Variants in IKBIP observed in about 807,000 individuals in gnomAD.
IKBIP encodes the protein inhibitor of nuclear factor kappa-B kinase-interacting protein.
IKBIP carries 28 observed loss-of-function variants against 31.0 expected under a neutral mutation model. The ratio of observed to expected loss-of-function variants is 0.90; its 90% CI spans 0.67 to 1.24. The LOEUF is 1.24. Among genes scored for constraint, IKBIP ranks in the 50% most tolerant of loss-of-function variants. IKBIP has a pLI of 0.00. For missense variants in IKBIP, 453 were observed against 441.9 expected (o/e 1.03, Z -0.23); for synonymous variants, 164 against 160.3 (o/e 1.02, Z -0.17).
chr12:98,624,718 G>T lies in IKBIP; in HGVS notation c.*1212C>A. On this transcript the variant is annotated 3_prime_UTR_variant, in exon 3 of 3. Coordinates refer to ENST00000299157, the MANE Select transcript of IKBIP (RefSeq NM_153687.4). ...TGGTTTGGGAAATCTTTAAAATGAC[G>T]TATTTTTAACTATCATAGTTATTAT... is the stretch of plus-strand genomic sequence containing the variant. 1 of 894,972 alleles carries T rather than the reference G, an allele frequency of 1.1e-6. No individual in the cohort carries two copies. The highest frequency in any genetic ancestry group is 1.3e-6 in the Non-Finnish European group (1 of 747,618). The allele number at this position is 894,972 out of a possible 1,614,324, so 55.4% of individuals were successfully genotyped here.
chr12:98,642,984 G>A (rs968571967), intron 1 of IKBIP, among the ~76,000 whole-genome samples: 1 of 151,494 alleles, frequency 6.6e-6, no homozygotes, highest in Non-Finnish European at 1.5e-5. Flanking sequence ...ATGGAGTCTC[G>A]CTCTGTTGCC....
chr12:98,613,891 T>C, exon 3 of IKBIP: 3 of 1,613,600 alleles, frequency 1.9e-6, no homozygotes, highest in South Asian at 1.1e-5. Flanking sequence ...AGTCACTCTT[T>C]AGTTCGGTTA....
chr12:98,640,645 C>A (rs1593001627), intron 1 of IKBIP, among the ~76,000 whole-genome samples: 1 of 152,252 alleles, frequency 6.6e-6, no homozygotes, highest in African/African-American at 2.4e-5. Context: ...AGAATCACCT[C>A]AATTCTTACC....
rs767640097 is a variant in IKBIP, at chr12:98,626,160, T to G, written c.904A>C (p.Met302Leu). 7 of 1,613,638 alleles carry G rather than the reference T, an allele frequency of 4.3e-6. No homozygotes were observed. The highest frequency in any genetic ancestry group is 5.9e-6 in the Non-Finnish European group (7 of 1,179,656). ...ETEKKMEDLT[M>L]QMFNMEDDML... is the part of the protein sequence containing the mutation. ...TCATCTTCCATATTAAACATCTGCA[T>G]AGTCAAGTCTTCCATTTTCTTTTCT... Residue 302 changes from methionine (M) to leucine (L), a missense_variant, in exon 3 of 3, where the codon ATG becomes CTG. Coordinates refer to ENST00000299157, the MANE Select transcript of IKBIP (RefSeq NM_153687.4).
chr12:98,619,768 G>A (rs1392189676), downstream of IKBIP, among the ~76,000 whole-genome samples: 5 of 150,802 alleles, frequency 3.3e-5, no homozygotes, highest in African/African-American at 7.3e-5. Context: ...AAAAATAGCC[G>A]GGCTGAGCTG....
At chr12:98,634,866 C>T (rs780059288) in intron 1 of IKBIP, among the ~76,000 whole-genome samples, 88 of 151,960 alleles carry the variant, frequency 5.8e-4, no homozygotes, top group South Asian at 4.2e-4. Flanking sequence ...CCTGCCACCA[C>T]GCCTGGCTAA....
chr12:98,634,413 C>A lies in IKBIP; in HGVS notation c.180G>T (p.Trp60Cys). 6.8e-7 allele frequency: 1 copy of A among 1,480,524 alleles called. No homozygotes were observed. Among genetic ancestry groups the A allele is most frequent in the Non-Finnish European group, 9.4e-7 (1 of 1,064,686 alleles). The allele number at this position is 1,480,524 out of a possible 1,614,324, so 91.7% of individuals were successfully genotyped here. A position where few individuals can be genotyped will look rare whatever the true frequency, so the allele number is the denominator to read the frequency against. ...LSLGTCLGLAWFVFQQSEKFA... is the reference protein window; with the variant it reads ...LSLGTCLGLACFVFQQSEKFA... ...ATTTTTCTGACTGCTGAAATACAAACCTGGAAAAGAAAAGAAAAATCACTA... is the reference window on the plus strand; with the variant it reads ...ATTTTTCTGACTGCTGAAATACAAAACTGGAAAAGAAAAGAAAAATCACTA... The change falls in exon 2 of 3, where the codon TGG becomes TGT. Residue 60 changes from tryptophan (W) to cysteine (C), a missense_variant and splice_region_variant. Physicochemically the swap from Trp to Cys is radical, Grantham distance 215 (BLOSUM62 -2). Coordinates refer to ENST00000299157, the MANE Select transcript of IKBIP (RefSeq NM_153687.4).
At chr12:98,640,644 T>G (rs1266392721) in intron 1 of IKBIP, among the ~76,000 whole-genome samples, 1 of 152,176 alleles carries the variant, frequency 6.6e-6, no homozygotes, top group Non-Finnish European at 1.5e-5. Context: ...TAGAATCACC[T>G]CAATTCTTAC....
At position 98,634,811 on chromosome 12, in the gene IKBIP, G is replaced by A. The variant is rs369074943; in HGVS notation, c.180-398C>T. ...TGCAAGCTCCGCCTCCTGGGTTCACGCTATTCTCCTGCCTCAGCCTCCCGA... is the reference window on the plus strand; with the variant it reads ...TGCAAGCTCCGCCTCCTGGGTTCACACTATTCTCCTGCCTCAGCCTCCCGA... On this transcript the variant is annotated intron_variant, in intron 1 of 2. Coordinates refer to ENST00000299157, the MANE Select transcript of IKBIP (RefSeq NM_153687.4). Among the ~76,000 whole-genome samples the A allele has an allele frequency of 4.2e-4, 63 of 150,774 alleles. 2 individuals are homozygous for A. Among genetic ancestry groups the A allele is most frequent in the African/African-American group, 1.0e-3 (42 of 41,010 alleles).
At position 98,626,781 on chromosome 12, in the gene IKBIP, C is replaced by T; in HGVS notation, c.298-15G>A. The T allele has an allele frequency of 6.4e-7, 1 of 1,559,408 alleles. No individual in the cohort carries two copies. Among genetic ancestry groups the T allele is most frequent in the Non-Finnish European group, 8.7e-7 (1 of 1,151,184 alleles). The stretch of plus-strand genomic sequence containing the variant: ...GTAGACTCAAGCTGCATTTATAACA[C>T]AAAACAATTCCCAAGGCTACTTAAT... On this transcript the variant is annotated splice_polypyrimidine_tract_variant and intron_variant, in intron 2 of 2. Coordinates refer to ENST00000299157, the MANE Select transcript of IKBIP (RefSeq NM_153687.4).
chr12:98,613,892 A>C, exon 3 of IKBIP: 1 of 1,613,660 alleles, frequency 6.2e-7, no homozygotes, highest in African/African-American at 1.3e-5. Flanking sequence ...GTCACTCTTT[A>C]GTTCGGTTAG....
At chr12:98,620,365 C>G (rs2097609162), downstream of IKBIP, among the ~76,000 whole-genome samples, 1 of 151,360 alleles carries the variant, frequency 6.6e-6, no homozygotes, top group African/African-American at 2.4e-5. Context: ...TAAAAACTTG[C>G]TAAAGGATTT....
chr12:98,635,527 G>A (rs1419201498), intron 1 of IKBIP, among the ~76,000 whole-genome samples: 1 of 152,166 alleles, frequency 6.6e-6, no homozygotes, highest in Non-Finnish European at 1.5e-5. Context: ...TGTGATATCT[G>A]TAATAGATGC....
intron 2 of IKBIP, among the ~76,000 whole-genome samples, chr12:98,630,481 C>T (rs1025914267): frequency 7.6e-5 from 11 of 145,648 alleles, no homozygotes; most frequent in Non-Finnish European, 1.0e-4. Context: ...CCTCACTTAA[C>T]GTCATTGGTA....
At chr12:98,631,554 T>C (rs929534097) in intron 2 of IKBIP, among the ~76,000 whole-genome samples, 1 of 149,102 alleles carries the variant, frequency 6.7e-6, no homozygotes, top group African/African-American at 2.4e-5. Context: ...GTGCTGGGAT[T>C]ACAGGTGTGA....
Position 98,626,735 on chromosome 12 carries a change from G to C in IKBIP, c.329C>G (p.Ala110Gly). The C allele has an allele frequency of 1.2e-6, 2 of 1,609,536 alleles. No individual in the cohort carries two copies. The highest frequency in any genetic ancestry group is 1.7e-6 in the Non-Finnish European group (2 of 1,177,226). The change falls in exon 3 of 3, where the codon GCT becomes GGT. Residue 110 changes from alanine (A) to glycine (G), a missense_variant. Physicochemically the swap from Ala to Gly is moderately conservative, Grantham distance 60. Coordinates refer to ENST00000299157, the MANE Select transcript of IKBIP (RefSeq NM_153687.4). ...GGTCATCAAAGACATGGATGATGTA[G>C]CTTCCTGCAGGATGCTTTCAGTAGA... Reference protein sequence around the residue: ...LESTESILQEATSSMSLMTQF... With the variant: ...LESTESILQEGTSSMSLMTQF...
At chr12:98,630,663 G>A (rs1007150822) in intron 2 of IKBIP, among the ~76,000 whole-genome samples, 8 of 152,184 alleles carry the variant, frequency 5.3e-5, no homozygotes, top group South Asian at 2.1e-4. Context: ...TATTGATGAC[G>A]TTGAGGACTT....
chr12:98,622,633 T>G (rs1368863896), downstream of IKBIP, among the ~76,000 whole-genome samples: 2 of 152,054 alleles, frequency 1.3e-5, no homozygotes, highest in Non-Finnish European at 2.9e-5. Context: ...TTTTTTTTTT[T>G]TCTTATTGAG....
At chr12:98,633,268 A>G (rs1019791678) in intron 2 of IKBIP, among the ~76,000 whole-genome samples, 6 of 152,128 alleles carry the variant, frequency 3.9e-5, no homozygotes, top group Admixed American at 2.6e-4. Context: ...TACCCAGAAT[A>G]GGCCTACATG....
Sources: allele counts gnomAD v4.1 joint callset (sites outside exome capture counted in the v4.1 genomes callset), GRCh38; gene constraint gnomAD v4.1.1; transcripts MANE v1.5; gene names NCBI Gene and HGNC (gene_info 2026-07-23, HGNC 2026-07-21).